Variants in VPS41 observed in about 807,000 individuals in gnomAD.
The protein encoded by VPS41 is vacuolar protein sorting-associated protein 41 homolog.
In VPS41, 85 loss-of-function variants were observed where a neutral mutation model predicts 130.9. That is an observed-to-expected ratio of 0.65 (90% confidence interval 0.55 to 0.78). VPS41 has a LOEUF of 0.78. VPS41 is among the 30% of genes least tolerant of loss of function. The pLI, the probability that VPS41 is intolerant of heterozygous loss-of-function variation, is 0.00. For synonymous variants in VPS41, 335 were observed against 332.9 expected, an observed-to-expected ratio of 1.01 and a Z score of -0.07; for missense variants, 874 against 1,018.7, an observed-to-expected ratio of 0.86 and a Z score of 1.93.
intron 4 of VPS41, among the ~76,000 whole-genome samples, chr7:38,834,713 CT>C (rs1323240893): frequency 2.0e-5 from 3 of 152,020 alleles, no homozygotes; most frequent in Non-Finnish European, 4.4e-5. Context: ...TCAAAAAGAA[CT>C]GGCCCAGGAA....
intron 25 of VPS41, among the ~76,000 whole-genome samples, chr7:38,739,939 T>C (rs996676795): frequency 6.6e-6 from 1 of 152,238 alleles, no homozygotes; most frequent in Admixed American, 6.5e-5. Flanking sequence ...CTAATAATAA[T>C]TTCATTTTTA....
chr7:38,879,773 G>A lies in VPS41; in HGVS notation c.61-10520C>T, dbSNP rs75577990. Among the ~76,000 whole-genome samples the A allele has an allele frequency of 8.5e-3, 1,297 of 152,142 alleles. 20 individuals carry two copies. Among genetic ancestry groups the A allele is most frequent in the African/African-American group, 0.03 (1,239 of 41,496 alleles). On this transcript the variant is annotated intron_variant, in intron 2 of 28. Coordinates refer to ENST00000310301, the MANE Select transcript of VPS41 (RefSeq NM_014396.4). ...ATCTAACAGGAGGTGGACCGCAGGC[G>A]GTAATGCTCACTCCCCCACTGCGCA...
At chr7:38,762,900 T>C (rs1783950528) in intron 17 of VPS41, among the ~76,000 whole-genome samples, 1 of 152,204 alleles carries the variant, frequency 6.6e-6, no homozygotes, top group African/African-American at 2.4e-5. Context: ...CAATAAAAAG[T>C]GTTCCAGATA....
chr7:38,774,485 A>G (rs1784218118), intron 11 of VPS41, among the ~76,000 whole-genome samples: 1 of 152,152 alleles, frequency 6.6e-6, no homozygotes, highest in South Asian at 2.1e-4. Flanking sequence ...TAAAAGATCA[A>G]CTAGTGAAGA....
chr7:38,817,078 T>G (rs554729507), intron 7 of VPS41, among the ~76,000 whole-genome samples: 6 of 151,590 alleles, frequency 4.0e-5, no homozygotes, highest in Non-Finnish European at 2.9e-5. Flanking sequence ...ACTGAGATAA[T>G]AAAATGTGCC....
At chr7:38,795,692 T>C in intron 8 of VPS41, 81 bp from the exon 9 acceptor site, 2 of 1,272,968 alleles carry the variant, frequency 1.6e-6, no homozygotes, top group Non-Finnish European at 2.2e-6. Flanking sequence ...TGCTACATAC[T>C]ACCAATAACC....
At position 38,862,664 on chromosome 7, in the gene VPS41, C is replaced by T. The variant is rs199545772; in HGVS notation, c.169-42G>A. On this transcript the variant is annotated intron_variant, in intron 3 of 28. Transcript: ENST00000310301. ...GAGGCCAGTTAATTAATTAATAATA[C>T]TATTAATACACAAGTAGTAACAAAA... 83 of 1,204,626 alleles carry T rather than the reference C, an allele frequency of 6.9e-5. No individual in the cohort carries two copies. The African/African-American group carries it at 9.2e-4, about 13-fold the overall frequency. 74.6% of individuals were successfully genotyped at this position (1,204,626 alleles called of 1,614,324 possible). A position where few individuals can be genotyped will look rare whatever the true frequency, so the allele number is the denominator to read the frequency against.
intron 1 of VPS41, among the ~76,000 whole-genome samples, chr7:38,904,585 C>A (rs1232067987): frequency 6.6e-6 from 1 of 152,224 alleles, no homozygotes; most frequent in East Asian, 1.9e-4. Context: ...ACAACCATTT[C>A]AACCTAGCCA....
chr7:38,745,812 C>CA (rs1795975025), intron 22 of VPS41, 199 bp from the exon 23 acceptor site: 1 of 525,974 alleles, frequency 1.9e-6, no homozygotes, highest in African/African-American at 2.0e-5. Flanking sequence ...CTACACAATT[C>CA]AATTTAAAAC....
chr7:38,798,838 ACCTGTGTTG>A (rs1784671100), intron 7 of VPS41, among the ~76,000 whole-genome samples: 1 of 152,124 alleles, frequency 6.6e-6, no homozygotes, highest in African/African-American at 2.4e-5. Flanking sequence ...AACAGTCTGC[ACCTGTGTTG>A]AAAAAGTTAA....
At chr7:38,818,378 G>C (rs949816586) in intron 6 of VPS41, among the ~76,000 whole-genome samples, 1 of 152,092 alleles carries the variant, frequency 6.6e-6, no homozygotes, top group African/African-American at 2.4e-5. Flanking sequence ...CATCAATGGA[G>C]AGAGAACAGA....
At chr7:38,775,129 T>C (rs1416775415) in intron 11 of VPS41, 3 of 152,178 alleles carry the variant, frequency 2.0e-5, no homozygotes, top group Admixed American at 6.5e-5. Context: ...AAACAAATTG[T>C]ATTCAATGTC....
chr7:38,889,945 GAAGT>G (rs1399167760), intron 2 of VPS41, among the ~76,000 whole-genome samples: 1 of 152,136 alleles, frequency 6.6e-6, no homozygotes, highest in East Asian at 1.9e-4. Flanking sequence ...GAACTAAATG[GAAGT>G]AAGGTTTCTA....
chr7:38,734,018 C>A (rs1026162003), intron 25 of VPS41, among the ~76,000 whole-genome samples: 4 of 152,080 alleles, frequency 2.6e-5, no homozygotes, highest in African/African-American at 7.2e-5. Flanking sequence ...CCCGGGAGGT[C>A]AAGGCTACAG....
chr7:38,868,051 A>T (rs903676269), intron 3 of VPS41, among the ~76,000 whole-genome samples: 5 of 152,206 alleles, frequency 3.3e-5, no homozygotes, highest in Non-Finnish European at 5.9e-5. Context: ...GTCAACAGAG[A>T]GTGTCACAGA....
chr7:38,873,258 A>C (rs1369578853), intron 2 of VPS41, among the ~76,000 whole-genome samples: 1 of 152,100 alleles, frequency 6.6e-6, no homozygotes, highest in African/African-American at 2.4e-5. Context: ...GTTAAGTTAA[A>C]AGTAGGGTAA....
chr7:38,734,043 A>G (rs1795718709), intron 25 of VPS41, among the ~76,000 whole-genome samples: 1 of 152,114 alleles, frequency 6.6e-6, no homozygotes, highest in South Asian at 2.1e-4. Flanking sequence ...CTGTGACTGC[A>G]CCACTGCCAT....
chr7:38,771,371 G>A (rs1445286660), intron 13 of VPS41, 117 bp from the exon 14 acceptor site: 1 of 729,218 alleles, frequency 1.4e-6, no homozygotes, highest in Non-Finnish European at 2.3e-6. Context: ...AGTTATTATG[G>A]TTTAGCATTC....
intron 7 of VPS41, among the ~76,000 whole-genome samples, chr7:38,815,049 A>G (rs184461149): frequency 1.3e-5 from 2 of 152,320 alleles, no homozygotes. Context: ...TTTTCTAAGT[A>G]TGAGATAATA....
Sources: allele counts gnomAD v4.1 joint callset (sites outside exome capture counted in the v4.1 genomes callset), GRCh38; gene constraint gnomAD v4.1.1; transcripts MANE v1.5; gene names NCBI Gene and HGNC (gene_info 2026-07-23, HGNC 2026-07-21).